The following MGST2 variants were observed in gnomAD, a reference collection of about 807,000 sequenced individuals.
MGST2 encodes microsomal glutathione S-transferase 2, also known as glutathione peroxidase MGST2.
MGST2 carries 9 observed loss-of-function variants against 16.6 expected under a neutral mutation model. The observed-to-expected ratio is 0.54, with a 90% CI of 0.33 to 0.95. MGST2 has a LOEUF of 0.95. Among genes scored for constraint, MGST2 ranks in the 40% least tolerant of loss-of-function variants. The probability of loss-of-function intolerance (pLI) is 0.03; values close to 1 mark genes in which losing one functional copy is unlikely to be tolerated. For synonymous variants in MGST2, 79 were observed against 68.0 expected (o/e 1.16, Z -0.79); for missense variants, 159 against 175.1 (o/e 0.91, Z 0.52).
rs1260222253 is a variant in MGST2, at chr4:139,703,583, T to C, written c.311+47T>C. 3 of 1,557,402 alleles carry C rather than the reference T, an allele frequency of 1.9e-6. 1 individual carries two copies. In the South Asian group the frequency reaches 3.3e-5, roughly 17 times the overall value. ...TGTATTTATGCAAAAAGTAGCAGGA[T>C]AAGGTCTGGGTCAGTTTCCTTCTCC... On this transcript the variant is annotated intron_variant, in intron 4 of 4. Coordinates refer to ENST00000265498, the MANE Select transcript of MGST2 (RefSeq NM_002413.5).
chr4:139,701,239 C>T (rs1361807947), intron 3 of MGST2, among the ~76,000 whole-genome samples: 1 of 152,108 alleles, frequency 6.6e-6, no homozygotes, highest in Non-Finnish European at 1.5e-5. Flanking sequence ...TTCATTCTTT[C>T]TCATCCAAAG....
At chr4:139,747,655 C>T in the MGST2 span, among the ~76,000 whole-genome samples, 1 of 151,516 alleles carries the variant, frequency 6.6e-6, no homozygotes, top group Non-Finnish European at 1.5e-5. Context: ...GATAGTGCCA[C>T]TGCACTCCAG....
rs987092309 is a variant in MGST2, at chr4:139,703,534, A to C, written c.309A>C (p.Lys103Asn). The C allele has an allele frequency of 3.1e-6, 5 of 1,613,578 alleles. No homozygotes were observed. In the African/African-American group the frequency reaches 4.0e-5, roughly 13 times the overall value. The change falls in exon 4 of 5, where the codon AAA (lysine) becomes AAC (asparagine). Residue 103 changes from lysine to asparagine, a missense_variant and splice_region_variant. Coordinates refer to ENST00000265498, the MANE Select transcript of MGST2 (RefSeq NM_002413.5). ...GGGGATATTCAGAAGCTGCTAAAAA[A>C]CGGTAAGGAGAACCCAGTAATTTTG... is the stretch of plus-strand genomic sequence containing the variant. Reference protein sequence around the residue: ...YFWGYSEAAKKRITGFRLSLG... With the variant: ...YFWGYSEAAKNRITGFRLSLG...
chr4:139,674,424 C>T (rs1730861140), intron 1 of MGST2, among the ~76,000 whole-genome samples: 2 of 151,514 alleles, frequency 1.3e-5, no homozygotes, highest in South Asian at 4.2e-4. Context: ...TGTCCTTTGT[C>T]CACAAGGAAT....
chr4:139,695,217 A>G lies in MGST2; in HGVS notation c.179A>G (p.Tyr60Cys). ...TGCAGACAAAACTGTGTGGAGTTTT[A>G]TCCTATATTCATAATTACATTGTGG... is the stretch of plus-strand genomic sequence containing the variant. ...FRAQQNCVEF[Y>C]PIFIITLWMA... Residue 60 changes from tyrosine to cysteine, a missense_variant, in exon 3 of 5, where the codon TAT (tyrosine) becomes TGT (cysteine). Tyr to Cys is a radical substitution (Grantham distance 194). Transcript: ENST00000265498. The G allele has an allele frequency of 6.2e-7, 1 of 1,613,112 alleles. No homozygotes were observed. The highest frequency in any genetic ancestry group is 8.5e-7 in the Non-Finnish European group (1 of 1,179,008).
At chr4:139,709,787 A>G (rs1184070796) in intron 5 of MGST2, among the ~76,000 whole-genome samples, 1 of 152,188 alleles carries the variant, frequency 6.6e-6, no homozygotes, top group Non-Finnish European at 1.5e-5. Flanking sequence ...GTATTGATGG[A>G]TCCACAGTCA....
At chr4:139,675,143 C>A (rs932583086) in intron 1 of MGST2, among the ~76,000 whole-genome samples, 2 of 152,160 alleles carry the variant, frequency 1.3e-5, no homozygotes, top group African/African-American at 4.8e-5. Flanking sequence ...GTAACTCTGT[C>A]TTATTTGGGT....
chr4:139,709,604 C>T (rs1727664025), intron 5 of MGST2, among the ~76,000 whole-genome samples: 1 of 152,160 alleles, frequency 6.6e-6, no homozygotes, highest in Non-Finnish European at 1.5e-5. Context: ...TTAATGATTA[C>T]ATCTAATTGG....
downstream of MGST2, among the ~76,000 whole-genome samples, chr4:139,709,071 A>AATTTTTTTTTTTT (rs755140695): frequency 6.1e-5 from 5 of 81,970 alleles, no homozygotes; most frequent in African/African-American, 1.4e-4. Flanking sequence ...AATGGAAAAA[A>AATTTTTTTTTTTT]TTTTTTTTTT....
intron 2 of MGST2, among the ~76,000 whole-genome samples, chr4:139,687,256 A>G (rs1011323239): frequency 2.5e-4 from 38 of 152,212 alleles, no homozygotes; most frequent in African/African-American, 8.9e-4. Flanking sequence ...TTCTCACTGA[A>G]GAGTGAATGG....
the MGST2 span, among the ~76,000 whole-genome samples, chr4:139,748,769 G>A: frequency 7.6e-6 from 1 of 132,396 alleles, no homozygotes; most frequent in Non-Finnish European, 1.6e-5. Flanking sequence ...TTCAAGCTCC[G>A]AGGTTTTGAA....
At chr4:139,730,471 A>G (rs746772950) in intron 5 of MGST2, 6 of 1,552,850 alleles carry the variant, frequency 3.9e-6, no homozygotes, top group African/African-American at 1.4e-5. Context: ...TTGCTCCCGC[A>G]GGAACTGTTG....
intron 5 of MGST2, chr4:139,717,835 G>A (rs1404135110): frequency 6.6e-6 from 1 of 152,344 alleles, no homozygotes; most frequent in African/African-American, 2.4e-5. Context: ...CCAAAAGGGG[G>A]ATTGGGAGGG....
chr4:139,689,683 A>G (rs1421044651), intron 2 of MGST2, among the ~76,000 whole-genome samples: 1 of 152,194 alleles, frequency 6.6e-6, no homozygotes, highest in African/African-American at 2.4e-5. Context: ...CAAGAAGCAA[A>G]CTTCCTTTGA....
chr4:139,725,932 C>T, intron 5 of MGST2: 1 of 964,158 alleles, frequency 1.0e-6, no homozygotes. Context: ...GTGTTTTCCC[C>T]AAAACTAAAC....
At chr4:139,683,952 T>TCTCA (rs1418649014) in intron 2 of MGST2, among the ~76,000 whole-genome samples, 1 of 126,202 alleles carries the variant, frequency 7.9e-6, no homozygotes, top group Non-Finnish European at 1.6e-5. Flanking sequence ...TGAGATGGAG[T>TCTCA]CTCACCCTGT....
At chr4:139,748,053 TA>T in the MGST2 span, among the ~76,000 whole-genome samples, 67,845 of 94,990 alleles carry the variant, frequency 0.71, 24,060 homozygotes, top group Middle Eastern at 0.84. Context: ...AGACTTCGTC[TA>T]AAAAAAAAAA....
the MGST2 span, among the ~76,000 whole-genome samples, chr4:139,754,168 A>G: frequency 2.0e-5 from 3 of 152,272 alleles, no homozygotes; most frequent in African/African-American, 7.2e-5. Flanking sequence ...TAATGCAAAC[A>G]ATATTACTAT....
chr4:139,670,851 G>A (rs998337254), intron 1 of MGST2, among the ~76,000 whole-genome samples: 1 of 150,730 alleles, frequency 6.6e-6, no homozygotes, highest in African/African-American at 2.4e-5. Flanking sequence ...GGGTTGCAGT[G>A]AGCCGAGATC....
Sources: allele counts gnomAD v4.1 joint callset (sites outside exome capture counted in the v4.1 genomes callset), GRCh38; gene constraint gnomAD v4.1.1; transcripts MANE v1.5; gene names NCBI Gene and HGNC (gene_info 2026-07-23, HGNC 2026-07-21).